TOX: variants seen among roughly 807,000 people sequenced by gnomAD.
TOX encodes thymocyte selection-associated high mobility group box protein TOX.
Under a neutral mutation model 53.7 loss-of-function variants are expected in TOX, and 11 were observed. That is an observed-to-expected ratio of 0.20 (90% confidence interval 0.13 to 0.34). The LOEUF is 0.34. TOX is among the 10% of genes least tolerant of loss of function. The pLI, the probability that TOX is intolerant of heterozygous loss-of-function variation, is 1.00. For missense variants in TOX, 570 were observed against 664.6 expected (o/e 0.86, Z 1.56); for synonymous variants, 225 against 245.3 (o/e 0.92, Z 0.77).
Position 59,017,661 on chromosome 8 carries a change from A to G in TOX, c.103-57653T>C, listed in dbSNP as rs555661879. 5.9e-5 allele frequency among the ~76,000 whole-genome samples: 9 copies of G among 152,348 alleles called. No individual in the cohort carries two copies. In the South Asian group the frequency reaches 1.7e-3, roughly 28 times the overall value. ...CAAGAACAATTACGTTGAATATGTG[A>G]TAGACAGTATAATAAGCCATGCTTC... is the stretch of plus-strand genomic sequence containing the variant. On this transcript the variant is annotated intron_variant, in intron 1 of 8. Coordinates refer to ENST00000361421, the MANE Select transcript of TOX (RefSeq NM_014729.3).
At chr8:58,970,585 T>C (rs770815259) in intron 1 of TOX, among the ~76,000 whole-genome samples, 85 of 152,334 alleles carry the variant, frequency 5.6e-4, no homozygotes, top group Middle Eastern at 3.4e-3. Flanking sequence ...AGGTGCCTTC[T>C]CTGTGCCTAT....
At chr8:58,815,122 A>G (rs1810151648) in intron 7 of TOX, among the ~76,000 whole-genome samples, 1 of 152,260 alleles carries the variant, frequency 6.6e-6, no homozygotes, top group Non-Finnish European at 1.5e-5. Context: ...GTGACTGTCA[A>G]TTGTGATGGC....
At chr8:59,045,134 A>T (rs958514081) in intron 1 of TOX, among the ~76,000 whole-genome samples, 1 of 152,082 alleles carries the variant, frequency 6.6e-6, no homozygotes, top group African/African-American at 2.4e-5. Flanking sequence ...AGACAATTTC[A>T]TTCTTTTTTT....
rs138522180 is a variant in TOX at position 58,821,949 on chromosome 8, T to A, written c.1005+4873A>T. ...GCCCCAGAGACTACAGACTCCTCAG[T>A]CTGAGGACTCTCCCAGTATGATAGA... On this transcript the variant is annotated intron_variant, in intron 6 of 8. Transcript: ENST00000361421. 1.9e-3 allele frequency among the ~76,000 whole-genome samples: 283 copies of A among 152,188 alleles called. 2 individuals carry two copies. The highest frequency in any genetic ancestry group is 6.2e-3 in the African/African-American group (258 of 41,522).
chr8:58,970,449 C>T (rs1311939992), intron 1 of TOX, among the ~76,000 whole-genome samples: 1 of 152,200 alleles, frequency 6.6e-6, no homozygotes, highest in Admixed American at 6.5e-5. Context: ...GCTTGGAACA[C>T]TTCTGACAGT....
At chr8:58,866,258 G>A (rs1811100032) in intron 3 of TOX, among the ~76,000 whole-genome samples, 1 of 152,150 alleles carries the variant, frequency 6.6e-6, no homozygotes, top group Non-Finnish European at 1.5e-5. Context: ...GTTATACAGG[G>A]ATTGCTGGAT....
At chr8:58,834,193 C>A (rs532151072) in intron 5 of TOX, among the ~76,000 whole-genome samples, 3 of 152,266 alleles carry the variant, frequency 2.0e-5, no homozygotes, top group East Asian at 3.9e-4. Context: ...CCCAATAAGT[C>A]ATCAATAATT....
intron 1 of TOX, among the ~76,000 whole-genome samples, chr8:59,090,852 A>G (rs1346648561): frequency 6.6e-6 from 1 of 152,056 alleles, no homozygotes; most frequent in Non-Finnish European, 1.5e-5. Context: ...CCATCAAACA[A>G]ATCAACCACC....
intron 7 of TOX, among the ~76,000 whole-genome samples, chr8:58,808,575 G>C (rs1036043256): frequency 1.3e-5 from 2 of 152,170 alleles, no homozygotes; most frequent in Admixed American, 6.5e-5. Flanking sequence ...AAAACAAAGG[G>C]AGAAGAGGGC....
intron 1 of TOX, among the ~76,000 whole-genome samples, chr8:59,097,938 C>T (rs1391512227): frequency 6.6e-6 from 1 of 151,998 alleles, no homozygotes; most frequent in African/African-American, 2.4e-5. Flanking sequence ...TTGATCAAAG[C>T]ATAACATTTA....
chr8:58,997,868 C>T (rs1813589637), intron 1 of TOX, among the ~76,000 whole-genome samples: 1 of 152,146 alleles, frequency 6.6e-6, no homozygotes, highest in African/African-American at 2.4e-5. Flanking sequence ...TCTTGGCTCA[C>T]TGCAAGCTCC....
intron 1 of TOX, among the ~76,000 whole-genome samples, chr8:58,962,339 G>A (rs1316797125): frequency 6.6e-6 from 1 of 152,132 alleles, no homozygotes; most frequent in Non-Finnish European, 1.5e-5. Flanking sequence ...TATATTTTAT[G>A]TTCCTGCCAC....
At chr8:59,053,538 C>T (rs566607499) in intron 1 of TOX, among the ~76,000 whole-genome samples, 3 of 152,164 alleles carry the variant, frequency 2.0e-5, no homozygotes, top group Non-Finnish European at 4.4e-5. Flanking sequence ...TATCCAGAAA[C>T]GTAGTCTTTA....
At chr8:59,110,359 T>C (rs1425346954) in intron 1 of TOX, among the ~76,000 whole-genome samples, 1 of 151,724 alleles carries the variant, frequency 6.6e-6, no homozygotes, top group African/African-American at 2.4e-5. Flanking sequence ...CTGAGGTGTA[T>C]TGGTATAGAA....
intron 6 of TOX, among the ~76,000 whole-genome samples, chr8:58,816,845 G>A (rs1469287187): frequency 2.0e-5 from 3 of 152,174 alleles, no homozygotes; most frequent in Non-Finnish European, 4.4e-5. Flanking sequence ...GGCCCTTAGA[G>A]AAACGGGTTC....
At chr8:58,878,915 GC>G (rs1811333288) in intron 3 of TOX, among the ~76,000 whole-genome samples, 1 of 151,906 alleles carries the variant, frequency 6.6e-6, no homozygotes, top group Admixed American at 6.6e-5. Flanking sequence ...ACAAAAATTA[GC>G]CAGGTGTGGT....
intron 3 of TOX, among the ~76,000 whole-genome samples, chr8:58,868,751 G>A (rs1585869860): frequency 6.6e-6 from 1 of 150,808 alleles, no homozygotes; most frequent in South Asian, 2.1e-4. Flanking sequence ...AATAACTTAA[G>A]CTTCTACCAT....
intron 1 of TOX, among the ~76,000 whole-genome samples, chr8:59,103,995 A>T (rs1804852241): frequency 6.6e-6 from 1 of 152,220 alleles, no homozygotes; most frequent in Non-Finnish European, 1.5e-5. Flanking sequence ...AAGAAGTTAG[A>T]TTTTAACATA....
intron 1 of TOX, among the ~76,000 whole-genome samples, chr8:59,025,397 C>A (rs1814214959): frequency 6.6e-6 from 1 of 152,134 alleles, no homozygotes; most frequent in South Asian, 2.1e-4. Context: ...CAATATGAGA[C>A]TGAGGCCAGT....
Sources: gnomAD v4.1 joint callset for allele counts (sites outside exome capture counted in the v4.1 genomes callset) on GRCh38, gnomAD v4.1.1 for gene constraint, MANE v1.5 for transcripts, NCBI Gene and HGNC (gene_info 2026-07-23, HGNC 2026-07-21) for gene names.